FANCI: variants seen among roughly 807,000 people sequenced by gnomAD.
FANCI encodes FA complementation group I, also known as Fanconi anemia group I protein.
Under a neutral mutation model 176.1 loss-of-function variants are expected in FANCI, and 156 were observed. That is an observed-to-expected ratio of 0.89 (90% CI 0.78 to 1.01). The LOEUF is 1.01. Ranked by LOEUF, FANCI falls within the 50% of genes least tolerant of loss-of-function variation. The pLI is 0.00. For synonymous variants in FANCI, 613 were observed against 541.7 expected (o/e 1.13, Z -1.83); for missense variants, 1,678 against 1,534.1 (o/e 1.09, Z -1.57).
At position 89,260,813 on chromosome 15, in the gene FANCI, G is replaced by C. The variant is rs750230813; in HGVS notation, c.258G>C (p.Ala86=). The C allele has an allele frequency of 6.2e-7, 1 of 1,613,896 alleles. No individual in the cohort carries two copies. The highest frequency in any genetic ancestry group is 1.3e-5 in the African/African-American group (1 of 75,010). Residue 86 remains alanine, a synonymous_variant, in exon 4 of 38, where the codon GCG becomes GCC. Coordinates refer to ENST00000310775, the MANE Select transcript of FANCI (RefSeq NM_001113378.2). ...CGGGGGATTTGCAGAAAGAAATAGC[G>C]TCTGAGATCATAGGATTACTGATGC... ...VESGDLQKEI[A]SEIIGLLMLE...
Position 89,292,777 on chromosome 15 carries a change from G to A in FANCI, c.2082G>A (p.Glu694=). 6.2e-7 allele frequency: 1 copy of A among 1,613,908 alleles called. No individual in the cohort carries two copies. Among genetic ancestry groups the A allele is most frequent in the Non-Finnish European group, 8.5e-7 (1 of 1,179,916 alleles). ...PLQQGEEEEE[E]EEAFYEDLDD... is the part of the protein sequence containing the mutation. ...AGCAGGGAGAGGAGGAAGAGGAGGA[G>A]GAAGAGGCATTCTACGAAGACCTAG... Residue 694 remains glutamate (E), a synonymous_variant, in exon 21 of 38, where the codon GAG becomes GAA. Transcript: ENST00000310775.
intron 22 of FANCI, 113 bp downstream of exon 22, chr15:89,293,176 C>A: frequency 8.7e-7 from 1 of 1,149,806 alleles, no homozygotes. Context: ...ATGACACTGT[C>A]TCTTAAATGA....
At chr15:89,286,253 A>G (rs953271926) in intron 18 of FANCI, among the ~76,000 whole-genome samples, 5 of 152,188 alleles carry the variant, frequency 3.3e-5, no homozygotes, top group African/African-American at 1.2e-4. Flanking sequence ...TCGGCATCCC[A>G]AAGTATTGGG....
intron 25 of FANCI, 26 bp from the exon 26 acceptor site, chr15:89,300,274 G>A: frequency 1.2e-6 from 2 of 1,602,574 alleles, no homozygotes; most frequent in Admixed American, 3.3e-5. Flanking sequence ...TATCAAAGAA[G>A]ACAAGAGTTT....
chr15:89,250,114 A>T (rs1405621544), intron 2 of FANCI, among the ~76,000 whole-genome samples: 2 of 152,220 alleles, frequency 1.3e-5, no homozygotes, highest in African/African-American at 4.8e-5. Context: ...CTTCTATTCA[A>T]CCATTGTGGA....
chr15:89,303,298 C>T (rs748425028), intron 27 of FANCI, among the ~76,000 whole-genome samples: 5 of 152,218 alleles, frequency 3.3e-5, no homozygotes, highest in Non-Finnish European at 7.3e-5. Flanking sequence ...ACTGCTGAAG[C>T]AGAAAGTTGA....
chr15:89,269,560 T>C (rs1304082450), intron 10 of FANCI, among the ~76,000 whole-genome samples: 10 of 152,154 alleles, frequency 6.6e-5, no homozygotes, highest in Non-Finnish European at 2.9e-5. Context: ...TTCCTCACGA[T>C]TGGGTTCAAG....
chr15:89,284,187 G>C (rs529051265), intron 17 of FANCI, among the ~76,000 whole-genome samples: 1 of 152,012 alleles, frequency 6.6e-6, no homozygotes, highest in African/African-American at 2.4e-5. Context: ...ATTTTCTTAC[G>C]TCATTGTATT....
intron 2 of FANCI, among the ~76,000 whole-genome samples, chr15:89,251,340 C>T (rs2151104273): frequency 6.6e-6 from 1 of 152,132 alleles, no homozygotes; most frequent in East Asian, 1.9e-4. Flanking sequence ...ACAAAAACAC[C>T]AGGCCCAGAT....
At chr15:89,255,837 A>G (rs1409024721) in intron 2 of FANCI, among the ~76,000 whole-genome samples, 1 of 152,256 alleles carries the variant, frequency 6.6e-6, no homozygotes, top group Non-Finnish European at 1.5e-5. Flanking sequence ...TGAAGATCAC[A>G]TAAGTGGAAG....
chr15:89,305,284 G>A (rs113806594), intron 29 of FANCI, 42 bp downstream of exon 29: 455 of 1,614,026 alleles, frequency 2.8e-4, no homozygotes, highest in Non-Finnish European at 3.7e-4. Context: ...GTGTGGGGAT[G>A]GGGGTCAAGG....
intron 27 of FANCI, among the ~76,000 whole-genome samples, chr15:89,302,724 C>T (rs1484264855): frequency 6.6e-6 from 1 of 152,028 alleles, no homozygotes; most frequent in African/African-American, 2.4e-5. Context: ...CAGGCGCCTG[C>T]CACAACACCC....
At chr15:89,266,828 G>T (rs569874841) in intron 9 of FANCI, among the ~76,000 whole-genome samples, 9 of 152,110 alleles carry the variant, frequency 5.9e-5, no homozygotes, top group African/African-American at 1.7e-4. Context: ...TCAGATTTTG[G>T]AGAAAATAAT....
intron 14 of FANCI, among the ~76,000 whole-genome samples, chr15:89,280,453 T>G (rs2053572556): frequency 6.6e-6 from 1 of 152,218 alleles, no homozygotes; most frequent in South Asian, 2.1e-4. Context: ...TACCATCTTC[T>G]GAATATGTCT....
chr15:89,281,640 A>AT lies in FANCI; in HGVS notation c.1513-123dup. 3.2e-6 allele frequency: 3 copies of AT among 929,342 alleles called. No homozygotes were observed. In the South Asian group the frequency reaches 4.0e-5, roughly 12 times the overall value. 57.6% of individuals were successfully genotyped at this position (929,342 alleles called of 1,614,324 possible). On this transcript the variant is annotated intron_variant, in intron 15 of 37. Transcript: ENST00000310775. ...ATTGTCCTTGTTAACTGTAATAAAC[A>AT]TTAAAACGTATATAAAACAGAAGTA...
At chr15:89,300,499 T>C (rs1322173083) in intron 26 of FANCI, 114 bp downstream of exon 26, 6 of 851,888 alleles carry the variant, frequency 7.0e-6, no homozygotes, top group Non-Finnish European at 1.2e-5. Context: ...AAGAATTTTT[T>C]CTGGGTCATA....
rs910572635 is a variant in FANCI at position 89,283,050 on chromosome 15, T to C, written c.1584-86T>C. ...TCATTGTTTATACATATGCCTTCTC[T>C]GTATGCAACTAGCTGGATTTTTCTG... is the stretch of plus-strand genomic sequence containing the variant. On this transcript the variant is annotated intron_variant, in intron 16 of 37. Transcript: ENST00000310775. The C allele has an allele frequency of 2.2e-5, 28 of 1,285,524 alleles. No individual in the cohort carries two copies. In the African/African-American group the frequency reaches 3.5e-4, roughly 16 times the overall value. 79.6% of individuals were successfully genotyped at this position (1,285,524 alleles called of 1,614,324 possible).
chr15:89,306,155 G>C lies in FANCI; in HGVS notation c.3498G>C (p.Leu1166Phe), dbSNP rs1323941744. 7 of 1,614,166 alleles carry C rather than the reference G, an allele frequency of 4.3e-6. No homozygotes were observed. Among genetic ancestry groups the C allele is most frequent in the Non-Finnish European group, 5.9e-6 (7 of 1,180,028 alleles). Residue 1166 changes from leucine to phenylalanine, a missense_variant, in exon 32 of 38, where the codon TTG becomes TTC. Transcript: ENST00000310775. Reference protein sequence around the residue: ...GSCVDTLLKDLCKMYTTLTAL... With the variant: ...GSCVDTLLKDFCKMYTTLTAL... ...GTGTGGACACCTTGTTAAAGGACTT[G>C]TGCAAAATGTACACCACACTTACAG...
At chr15:89,300,278 A>G (rs1387919863) in intron 25 of FANCI, 22 bp from the exon 26 acceptor site, 19 of 1,605,036 alleles carry the variant, frequency 1.2e-5, no homozygotes, top group Middle Eastern at 1.7e-4. Flanking sequence ...AAAGAAGACA[A>G]GAGTTTCTTT....
Sources: allele counts gnomAD v4.1 joint callset (sites outside exome capture counted in the v4.1 genomes callset), GRCh38; gene constraint gnomAD v4.1.1; transcripts MANE v1.5; gene names NCBI Gene and HGNC (gene_info 2026-07-23, HGNC 2026-07-21).